Variants in CCDC18 observed in about 807,000 individuals in gnomAD.
CCDC18 encodes the protein coiled-coil domain containing 18.
Under a neutral mutation model 196.0 loss-of-function variants are expected in CCDC18, and 157 were observed. The ratio of observed to expected loss-of-function variants is 0.80; its 90% CI spans 0.70 to 0.91. The LOEUF (loss-of-function observed/expected upper bound fraction) is 0.91. Ranked by LOEUF, CCDC18 falls within the 40% of genes least tolerant of loss-of-function variation. The pLI is 0.00. For synonymous variants in CCDC18, 482 were observed against 529.2 expected (o/e 0.91, Z 1.22); for missense variants, 1,465 against 1,611.6 (o/e 0.91, Z 1.56).
At chr1:93,268,221 A>G (rs1043258905) in intron 27 of CCDC18, among the ~76,000 whole-genome samples, 2 of 152,254 alleles carry the variant, frequency 1.3e-5, no homozygotes, top group Non-Finnish European at 2.9e-5. Flanking sequence ...CTGGCTAGCC[A>G]TATGTAGAAA....
chr1:93,225,525 C>T (rs1658127220), intron 16 of CCDC18, among the ~76,000 whole-genome samples: 1 of 152,058 alleles, frequency 6.6e-6, no homozygotes, highest in African/African-American at 2.4e-5. Flanking sequence ...ACCTGTAATC[C>T]CAGCACTTTG....
intron 1 of CCDC18, among the ~76,000 whole-genome samples, chr1:93,182,587 T>C (rs1259973671): frequency 6.6e-6 from 1 of 152,212 alleles, no homozygotes; most frequent in Non-Finnish European, 1.5e-5. Flanking sequence ...ATTACAATAA[T>C]AAAATGTGAT....
In CCDC18 at chr1:93,258,756, T is replaced by C. The variant is rs1408134725; in HGVS notation, c.3555T>C (p.His1185=). 6.4e-7 allele frequency: 1 copy of C among 1,550,818 alleles called. No homozygotes were observed. Among genetic ancestry groups the C allele is most frequent in the African/African-American group, 1.4e-5 (1 of 71,546 alleles). The change falls in exon 26 of 29, where the codon CAT becomes CAC. Residue 1185 remains histidine (H), a synonymous_variant. Transcript: ENST00000690025. The part of the protein sequence containing the change: ...MKQLSKEKDA[H]GNHLAEELGA... ...AATATGTCATTTTTAAGGATGCTCA[T>C]GGAAACCATTTAGCTGAAGAACTGG...
intron 6 of CCDC18, among the ~76,000 whole-genome samples, chr1:93,197,200 A>T (rs762502216): frequency 1.3e-5 from 2 of 152,168 alleles, no homozygotes; most frequent in Non-Finnish European, 2.9e-5. Context: ...AAATGGATGA[A>T]TAGAAAACAG....
chr1:93,220,955 C>T (rs770788511), intron 14 of CCDC18, among the ~76,000 whole-genome samples: 4 of 152,224 alleles, frequency 2.6e-5, no homozygotes, highest in Admixed American at 6.5e-5. Context: ...GTAAAGGAAA[C>T]GATCTCGTTC....
rs756274248 is a variant in CCDC18, at chr1:93,193,677, CA to C, written c.632del (p.Gln211ArgfsTer8). On this transcript the variant is annotated frameshift_variant, in exon 6 of 29. Coordinates refer to ENST00000690025, the MANE Select transcript of CCDC18 (RefSeq NM_001378204.1). LOFTEE classifies it high-confidence loss of function. Reference protein sequence around the residue: ...KMVIEKEQSLQESKEECIKLK... With the variant: ...KMVIEKEQSLXESKEECIKLK... ...GGTAATTGAAAAGGAACAGAGTTTG[CA>C]GGAGTCCAAAGAGGAATGTATAAAA... 3.1e-6 allele frequency: 5 copies of C among 1,590,628 alleles called. No individual in the cohort carries two copies. Among genetic ancestry groups the C allele is most frequent in the Non-Finnish European group, 4.3e-6 (5 of 1,169,772 alleles).
In CCDC18 at chr1:93,239,728, C is replaced by G. The variant is rs1212633792; in HGVS notation, c.2813C>G (p.Thr938Arg). 1 of 1,613,590 alleles carries G rather than the reference C, an allele frequency of 6.2e-7. No homozygotes were observed. The highest frequency in any genetic ancestry group is 8.5e-7 in the Non-Finnish European group (1 of 1,179,768). ...KLQHSTETELTEALQKREVLE... is the reference protein window; with the variant it reads ...KLQHSTETELREALQKREVLE... The stretch of plus-strand genomic sequence containing the variant: ...CAGCACAGTACTGAAACTGAACTAA[C>G]AGAAGCCTTGCAAAAACGGGAAGTA... The change falls in exon 21 of 29, where the codon ACA (threonine) becomes AGA (arginine). Residue 938 changes from threonine to arginine, a missense_variant. By Grantham distance (71) the Thr-to-Arg change is moderately conservative. Coordinates refer to ENST00000690025, the MANE Select transcript of CCDC18 (RefSeq NM_001378204.1).
chr1:93,240,013 C>T (rs530947931), intron 21 of CCDC18, 117 bp downstream of exon 21: 9 of 723,328 alleles, frequency 1.2e-5, no homozygotes, highest in Admixed American at 8.5e-5. Flanking sequence ...CACTTTGGCT[C>T]ATCCCAGCCA....
At chr1:93,227,291 T>G (rs1165583029) in intron 17 of CCDC18, among the ~76,000 whole-genome samples, 1 of 149,086 alleles carries the variant, frequency 6.7e-6, no homozygotes, top group East Asian at 2.0e-4. Flanking sequence ...CCTGAGTAGC[T>G]GGGACTATAG....
At chr1:93,210,987 C>T in intron 10 of CCDC18, 61 bp downstream of exon 10, 3 of 1,535,700 alleles carry the variant, frequency 2.0e-6, no homozygotes, top group Non-Finnish European at 2.7e-6. Context: ...TAATTAAGAC[C>T]CTTAATTGGC....
At position 93,199,207 on chromosome 1, in the gene CCDC18, G is replaced by A. The variant is rs189462297; in HGVS notation, c.699-2685G>A. Among the ~76,000 whole-genome samples the A allele has an allele frequency of 2.6e-5, 4 of 152,314 alleles. No individual in the cohort carries two copies. The East Asian group carries it at 7.7e-4, about 29-fold the overall frequency. The stretch of plus-strand genomic sequence containing the variant: ...CAGCCTGGCAGGCTGCGCTTGGCTC[G>A]TGCTACCACCCTGGATCCCACACCT... On this transcript the variant is annotated intron_variant, in intron 6 of 28. Coordinates refer to ENST00000690025, the MANE Select transcript of CCDC18 (RefSeq NM_001378204.1).
chr1:93,219,798 A>G (rs1657111159), intron 14 of CCDC18, among the ~76,000 whole-genome samples: 1 of 152,236 alleles, frequency 6.6e-6, no homozygotes, highest in Non-Finnish European at 1.5e-5. Flanking sequence ...TGGAGCAGAC[A>G]AGAGGAAAAA....
Position 93,214,883 on chromosome 1 carries a change from A to T in CCDC18, c.1636A>T (p.Met546Leu), listed in dbSNP as rs201753869. Residue 546 changes from methionine to leucine, a missense_variant, in exon 12 of 29, where the codon ATG (methionine) becomes TTG (leucine). Transcript: ENST00000690025. ...TGAAAATTCTGATTTGAAGGTTAACATGGCTCACAGAACTAGTCAGTTTCA... is the reference window on the plus strand; with the variant it reads ...TGAAAATTCTGATTTGAAGGTTAACTTGGCTCACAGAACTAGTCAGTTTCA... ...EAENSDLKVN[M>L]AHRTSQFQLI... 1 of 1,613,624 alleles carries T rather than the reference A, an allele frequency of 6.2e-7. No homozygotes were observed. The highest frequency in any genetic ancestry group is 2.2e-5 in the East Asian group (1 of 44,798).
intron 23 of CCDC18, among the ~76,000 whole-genome samples, chr1:93,250,406 A>AG (rs1387355819): frequency 1.3e-5 from 2 of 150,660 alleles, no homozygotes; most frequent in African/African-American, 4.9e-5. Context: ...AAGAAAAGAG[A>AG]GAAAAAAAAG....
At chr1:93,273,075 C>CA (rs1557724135) in intron 28 of CCDC18, among the ~76,000 whole-genome samples, 1 of 146,872 alleles carries the variant, frequency 6.8e-6, no homozygotes, top group Non-Finnish European at 1.5e-5. Flanking sequence ...CTTTTCTTTT[C>CA]TTTTTTTTTT....
At chr1:93,222,855 T>C (rs943449222) in intron 16 of CCDC18, among the ~76,000 whole-genome samples, 1 of 152,234 alleles carries the variant, frequency 6.6e-6, no homozygotes, top group African/African-American at 2.4e-5. Flanking sequence ...AAATATGCTA[T>C]GACGTTTATT....
rs780454664 is a variant in CCDC18, at chr1:93,254,462, A to G, written c.3199-9A>G. 6.4e-7 allele frequency: 1 copy of G among 1,552,348 alleles called. No individual in the cohort carries two copies. The highest frequency in any genetic ancestry group is 8.8e-7 in the Non-Finnish European group (1 of 1,138,190). ...TTTTACTGATACTGCTTATCTGTTT[A>G]AAATTCAGATAGAAAGTCTGAATGA... On this transcript the variant is annotated splice_polypyrimidine_tract_variant and intron_variant, in intron 23 of 28. Transcript: ENST00000690025.
At chr1:93,214,524 A>G (rs954748355) in intron 11 of CCDC18, among the ~76,000 whole-genome samples, 1 of 152,220 alleles carries the variant, frequency 6.6e-6, no homozygotes, top group African/African-American at 2.4e-5. Context: ...ACCTAGAAAA[A>G]TGAGTGATTC....
chr1:93,235,699 G>C (rs1341651349), intron 18 of CCDC18, among the ~76,000 whole-genome samples: 1 of 152,038 alleles, frequency 6.6e-6, no homozygotes, highest in Non-Finnish European at 1.5e-5. Context: ...TGAAGATATT[G>C]GAAAGAGGAG....
Sources: gnomAD v4.1 joint callset for allele counts (sites outside exome capture counted in the v4.1 genomes callset) on GRCh38, gnomAD v4.1.1 for gene constraint, MANE v1.5 for transcripts, NCBI Gene and HGNC (gene_info 2026-07-23, HGNC 2026-07-21) for gene names.